EIF4EBP1: variants seen among roughly 807,000 people sequenced by gnomAD.
EIF4EBP1 encodes eukaryotic translation initiation factor 4E binding protein 1, also known as eukaryotic translation initiation factor 4E-binding protein 1.
EIF4EBP1 carries 5 observed loss-of-function variants against 9.2 expected under a neutral mutation model. That is an observed-to-expected ratio of 0.54 (90% CI 0.28 to 1.14). The LOEUF (loss-of-function observed/expected upper bound fraction) is 1.14. Among genes scored for constraint, EIF4EBP1 ranks in the 50% most tolerant of loss-of-function variants. The probability of loss-of-function intolerance (pLI) is 0.09; values close to 1 mark genes in which losing one functional copy is unlikely to be tolerated. For missense variants in EIF4EBP1, 139 were observed against 169.6 expected (o/e 0.82, Z 1.00); for synonymous variants, 62 against 67.0 (o/e 0.93, Z 0.36).
At chr8:38,054,508 G>A (rs149762987) in intron 1 of EIF4EBP1, among the ~76,000 whole-genome samples, 2 of 152,036 alleles carry the variant, frequency 1.3e-5, no homozygotes, top group African/African-American at 2.4e-5. Flanking sequence ...CACTCTTGCC[G>A]AGTCTCAAAG....
chr8:38,043,116 T>C (rs1452783318), intron 1 of EIF4EBP1, among the ~76,000 whole-genome samples: 3 of 152,038 alleles, frequency 2.0e-5, no homozygotes, highest in African/African-American at 7.2e-5. Context: ...ACTATTCAGC[T>C]CATAACAGGG....
chr8:38,048,184 A>T (rs566298118), intron 1 of EIF4EBP1, among the ~76,000 whole-genome samples: 34 of 152,138 alleles, frequency 2.2e-4, no homozygotes, highest in Non-Finnish European at 1.0e-4. Context: ...AGGTGGGAGG[A>T]TCACCTGAGC....
intron 1 of EIF4EBP1, among the ~76,000 whole-genome samples, chr8:38,052,276 T>C (rs1809536375): frequency 6.6e-6 from 1 of 151,942 alleles, no homozygotes; most frequent in Non-Finnish European, 1.5e-5. Context: ...CTTTTTTTTT[T>C]TTTAGACAGG....
intron 2 of EIF4EBP1, 126 bp downstream of exon 2, chr8:38,057,386 G>A (rs1244812418): frequency 1.7e-6 from 2 of 1,143,116 alleles, no homozygotes; most frequent in Non-Finnish European, 1.2e-6. Flanking sequence ...CCTCTAAGGA[G>A]CAGCTCAGAG....
chr8:38,059,364 T>C (rs1809637982), intron 2 of EIF4EBP1, among the ~76,000 whole-genome samples: 1 of 152,152 alleles, frequency 6.6e-6, no homozygotes, highest in African/African-American at 2.4e-5. Flanking sequence ...CGCTTTGCTT[T>C]CCACCATGAC....
chr8:38,041,190 C>G (rs1809374149), intron 1 of EIF4EBP1, among the ~76,000 whole-genome samples: 1 of 152,174 alleles, frequency 6.6e-6, no homozygotes, highest in Non-Finnish European at 1.5e-5. Flanking sequence ...CAACCTCCGC[C>G]TCCCAGGTTC....
At chr8:38,030,760 G>A (rs887625500) in intron 1 of EIF4EBP1, 42 bp downstream of exon 1, 2 of 1,375,172 alleles carry the variant, frequency 1.5e-6, no homozygotes, top group Non-Finnish European at 1.9e-6. Context: ...GCTCCTGGGC[G>A]GGCGGGAGGA....
At chr8:38,039,410 T>TC (rs995230946) in intron 1 of EIF4EBP1, among the ~76,000 whole-genome samples, 7 of 148,776 alleles carry the variant, frequency 4.7e-5, no homozygotes, top group Admixed American at 2.0e-4. Context: ...TACTTTTTTT[T>TC]TTTTTTTTTT....
At chr8:38,050,132 G>C (rs1013750251) in intron 1 of EIF4EBP1, among the ~76,000 whole-genome samples, 2 of 151,290 alleles carry the variant, frequency 1.3e-5, no homozygotes, top group Non-Finnish European at 1.5e-5. Context: ...GGCTGGTCTT[G>C]AACTCCTGAT....
At chr8:38,059,833 A>G (rs1421944661) in intron 2 of EIF4EBP1, 71 bp from the exon 3 acceptor site, 2 of 1,328,916 alleles carry the variant, frequency 1.5e-6, no homozygotes, top group African/African-American at 1.6e-5. Context: ...CTTTATAGCA[A>G]TGAAAGAATG....
In EIF4EBP1 at chr8:38,059,838, A is replaced by G. The variant is rs1809647732; in HGVS notation, c.326-66A>G. 9.1e-6 allele frequency: 13 copies of G among 1,434,392 alleles called. No individual in the cohort carries two copies. The South Asian group carries it at 1.5e-4, about 16-fold the overall frequency. 88.9% of individuals were successfully genotyped at this position (1,434,392 alleles called of 1,614,324 possible). A position where few individuals can be genotyped will look rare whatever the true frequency, so the allele number is the denominator to read the frequency against. On this transcript the variant is annotated intron_variant, in intron 2 of 2. Coordinates refer to ENST00000338825, the MANE Select transcript of EIF4EBP1 (RefSeq NM_004095.4). ...TCAGGTATTTCTTTATAGCAATGAAAGAATGGCCTCATATACCAAGCATTC... is the reference window on the plus strand; with the variant it reads ...TCAGGTATTTCTTTATAGCAATGAAGGAATGGCCTCATATACCAAGCATTC...
Position 38,030,591 on chromosome 8 carries a change from C to G in EIF4EBP1, c.18C>G (p.Ser6Arg). Residue 6 changes from serine to arginine, a missense_variant, in exon 1 of 3, where the codon AGC becomes AGG. Ser to Arg is a moderately radical substitution (Grantham distance 110, BLOSUM62 -1). Transcript: ENST00000338825. ...AGGAGACCATGTCCGGGGGCAGCAG[C>G]TGCAGCCAGACCCCAAGCCGGGCCA... Reference protein sequence around the residue: MSGGSSCSQTPSRAIP... With the variant: MSGGSRCSQTPSRAIP... The G allele has an allele frequency of 1.3e-6, 2 of 1,515,844 alleles. No individual in the cohort carries two copies. The highest frequency in any genetic ancestry group is 1.8e-6 in the Non-Finnish European group (2 of 1,138,534). 93.9% of individuals were successfully genotyped at this position (1,515,844 alleles called of 1,614,324 possible).
intron 1 of EIF4EBP1, among the ~76,000 whole-genome samples, chr8:38,033,724 A>G (rs1472956517): frequency 7.0e-6 from 1 of 142,382 alleles, no homozygotes; most frequent in Non-Finnish European, 1.5e-5. Context: ...CTCCATTCCT[A>G]TGACTCCAGT....
chr8:38,052,018 C>T (rs929987388), intron 1 of EIF4EBP1, among the ~76,000 whole-genome samples: 3 of 152,314 alleles, frequency 2.0e-5, no homozygotes, highest in African/African-American at 4.8e-5. Flanking sequence ...TGAGTCACTG[C>T]GCCCAGCCGT....
At chr8:38,048,265 C>G (rs1033312475) in intron 1 of EIF4EBP1, among the ~76,000 whole-genome samples, 4 of 151,086 alleles carry the variant, frequency 2.6e-5, no homozygotes, top group Admixed American at 2.6e-4. Context: ...AGAGCAAGAC[C>G]CTGTTTCAAA....
chr8:38,035,009 A>C (rs1809279730), intron 1 of EIF4EBP1, among the ~76,000 whole-genome samples: 2 of 152,192 alleles, frequency 1.3e-5, no homozygotes. Flanking sequence ...AATCCCAGCT[A>C]TTAGGAAGGC....
At chr8:38,039,800 T>C (rs1809352167) in intron 1 of EIF4EBP1, among the ~76,000 whole-genome samples, 1 of 152,258 alleles carries the variant, frequency 6.6e-6, no homozygotes, top group Non-Finnish European at 1.5e-5. Context: ...TAAACAGTAT[T>C]GCTGGTATTT....
At chr8:38,034,669 T>C (rs1360432955) in intron 1 of EIF4EBP1, among the ~76,000 whole-genome samples, 1 of 152,124 alleles carries the variant, frequency 6.6e-6, no homozygotes, top group Admixed American at 6.6e-5. Flanking sequence ...GAATCCGAGG[T>C]GAGCAGGTAG....
intron 1 of EIF4EBP1, among the ~76,000 whole-genome samples, chr8:38,049,238 T>C (rs562712550): frequency 6.6e-6 from 1 of 152,234 alleles, no homozygotes; most frequent in Admixed American, 6.5e-5. Context: ...TTCTGTCAGA[T>C]TGTGAAGGCG....
Sources: gnomAD v4.1 joint callset for allele counts (sites outside exome capture counted in the v4.1 genomes callset) on GRCh38, gnomAD v4.1.1 for gene constraint, MANE v1.5 for transcripts, NCBI Gene and HGNC (gene_info 2026-07-23, HGNC 2026-07-21) for gene names.